The following NUMB variants were observed in gnomAD, a reference collection of about 807,000 sequenced individuals.
NUMB encodes the protein protein numb homolog.
Under a neutral mutation model 59.7 loss-of-function variants are expected in NUMB, and 29 were observed. The observed-to-expected ratio is 0.49, with a 90% CI of 0.36 to 0.66. The LOEUF is 0.66. Ranked by LOEUF, NUMB falls within the 30% of genes least tolerant of loss-of-function variation. The pLI, the probability that NUMB is intolerant of heterozygous loss-of-function variation, is 0.00. For synonymous variants in NUMB, 288 were observed against 288.2 expected (o/e 1.00, Z 0.01); for missense variants, 723 against 822.0 (o/e 0.88, Z 1.47).
At chr14:73,303,236 G>GA (rs892043219) in intron 6 of NUMB, among the ~76,000 whole-genome samples, 1 of 149,956 alleles carries the variant, frequency 6.7e-6, no homozygotes, top group Non-Finnish European at 1.5e-5. Context: ...AAGAAACAAA[G>GA]AAAAAAAAGA....
chr14:73,434,947 C>T lies in NUMB; in HGVS notation c.-233+23546G>A, dbSNP rs138760897. On this transcript the variant is annotated intron_variant, in intron 1 of 12. Coordinates refer to ENST00000555238, the MANE Select transcript of NUMB (RefSeq NM_001005743.2). ...AATCCATCTCCCATCTCTGCTCTTA[C>T]AAATGAGAATAAATCTGGATCCATA... Among the ~76,000 whole-genome samples, 1,968 of 152,192 alleles carry T rather than the reference C, an allele frequency of 0.013. 97 individuals are homozygous for T. In the South Asian group the frequency reaches 0.16, roughly 12 times the overall value.
At chr14:73,323,291 G>T in intron 4 of NUMB, 87 bp from the exon 5 acceptor site, 1 of 870,616 alleles carries the variant, frequency 1.1e-6, no homozygotes, top group Non-Finnish European at 1.8e-6. Flanking sequence ...TTGAATACAG[G>T]TTGAACATTC....
At chr14:73,402,416 TATCTA>T (rs756330055) in intron 2 of NUMB, among the ~76,000 whole-genome samples, 10 of 152,176 alleles carry the variant, frequency 6.6e-5, no homozygotes, top group African/African-American at 1.9e-4. Context: ...ACTGTAGATA[TATCTA>T]ATCTAACAAT....
intron 2 of NUMB, among the ~76,000 whole-genome samples, chr14:73,405,388 C>T (rs1896607867): frequency 6.6e-6 from 1 of 151,634 alleles, no homozygotes; most frequent in African/African-American, 2.4e-5. Flanking sequence ...GGAACTCCTA[C>T]AGCTCAGAGA....
intron 12 of NUMB, among the ~76,000 whole-genome samples, chr14:73,278,652 C>T (rs577454105): frequency 6.6e-6 from 1 of 151,598 alleles, no homozygotes; most frequent in Non-Finnish European, 1.5e-5. Flanking sequence ...GCAGGGCCCC[C>T]TCTTTCTACA....
At chr14:73,434,244 A>G (rs1244306234) in intron 1 of NUMB, among the ~76,000 whole-genome samples, 4 of 152,190 alleles carry the variant, frequency 2.6e-5, no homozygotes, top group Non-Finnish European at 5.9e-5. Context: ...CTAGGTTTGA[A>G]TCCCAGTTCT....
chr14:73,429,779 C>T (rs1272935671), intron 1 of NUMB, among the ~76,000 whole-genome samples: 2 of 151,948 alleles, frequency 1.3e-5, no homozygotes, highest in African/African-American at 2.4e-5. Context: ...CCCGTCTCTA[C>T]TAAAAATACA....
Position 73,387,639 on chromosome 14 carries a change from A to G in NUMB, c.-100-20658T>C, listed in dbSNP as rs150229448. On this transcript the variant is annotated intron_variant, in intron 2 of 12. Transcript: ENST00000555238. ...TAAAGAGACCTCCGGTGACTGAGGT[A>G]CAAGAATCGCTTGAACCTGGGAGGC... Among the ~76,000 whole-genome samples, 702 of 151,990 alleles carry G rather than the reference A, an allele frequency of 4.6e-3. 12 individuals are homozygous for G. The highest frequency in any genetic ancestry group is 0.016 in the African/African-American group (673 of 41,430).
chr14:73,447,917 C>T (rs1246862451), intron 1 of NUMB, among the ~76,000 whole-genome samples: 2 of 151,874 alleles, frequency 1.3e-5, no homozygotes, highest in Non-Finnish European at 2.9e-5. Flanking sequence ...CCACCTCAGC[C>T]TCCCTAGTAG....
At chr14:73,424,924 A>AAT in intron 1 of NUMB, among the ~76,000 whole-genome samples, 1 of 152,370 alleles carries the variant, frequency 6.6e-6, no homozygotes, top group South Asian at 2.1e-4. Context: ...GCAAACATAT[A>AAT]AGTCATAACC....
chr14:73,341,675 C>T (rs1271958090), intron 4 of NUMB, among the ~76,000 whole-genome samples: 1 of 152,118 alleles, frequency 6.6e-6, no homozygotes, highest in Non-Finnish European at 1.5e-5. Flanking sequence ...TTTGCCTCAG[C>T]CTCCAGAGTA....
At chr14:73,333,882 T>G (rs909861209) in intron 4 of NUMB, among the ~76,000 whole-genome samples, 2 of 151,968 alleles carry the variant, frequency 1.3e-5, no homozygotes, top group Non-Finnish European at 2.9e-5. Flanking sequence ...TTTTTTTTTT[T>G]GAGATGGAGT....
chr14:73,312,796 A>T (rs1188372914), intron 6 of NUMB, among the ~76,000 whole-genome samples: 1 of 151,510 alleles, frequency 6.6e-6, no homozygotes, highest in Non-Finnish European at 1.5e-5. Context: ...ACTGCTTCTG[A>T]TATTTCTTTT....
At chr14:73,311,159 G>A (rs552524250) in intron 6 of NUMB, among the ~76,000 whole-genome samples, 1 of 152,154 alleles carries the variant, frequency 6.6e-6, no homozygotes, top group Non-Finnish European at 1.5e-5. Context: ...GTGTTCAAGC[G>A]ATTCTCTTGC....
intron 6 of NUMB, among the ~76,000 whole-genome samples, chr14:73,302,755 C>T (rs1281541495): frequency 6.6e-6 from 1 of 151,926 alleles, no homozygotes; most frequent in Admixed American, 6.6e-5. Context: ...TCATTCTGAC[C>T]ATATAAACTA....
At chr14:73,337,277 A>G (rs1195627926) in intron 4 of NUMB, among the ~76,000 whole-genome samples, 3 of 151,470 alleles carry the variant, frequency 2.0e-5, no homozygotes, top group Non-Finnish European at 2.9e-5. Flanking sequence ...TTGGGAGGTC[A>G]AGGTGGGCAG....
At chr14:73,406,612 T>TA (rs1896684417) in intron 2 of NUMB, among the ~76,000 whole-genome samples, 1 of 152,192 alleles carries the variant, frequency 6.6e-6, no homozygotes, top group African/African-American at 2.4e-5. Context: ...ATATACCCAG[T>TA]AATGCAATGG....
chr14:73,303,237 A>G (rs1481515330), intron 6 of NUMB, among the ~76,000 whole-genome samples: 1 of 151,542 alleles, frequency 6.6e-6, no homozygotes, highest in Non-Finnish European at 1.5e-5. Flanking sequence ...AGAAACAAAG[A>G]AAAAAAAGAA....
intron 3 of NUMB, among the ~76,000 whole-genome samples, chr14:73,359,173 A>G (rs1243156153): frequency 6.6e-6 from 1 of 152,338 alleles, no homozygotes; most frequent in East Asian, 1.9e-4. Flanking sequence ...GAAAACACAT[A>G]ATTATGATAT....
Sources: gnomAD v4.1 joint callset for allele counts (sites outside exome capture counted in the v4.1 genomes callset) on GRCh38, gnomAD v4.1.1 for gene constraint, MANE v1.5 for transcripts, NCBI Gene and HGNC (gene_info 2026-07-23, HGNC 2026-07-21) for gene names.